The following CD6 variants were observed in gnomAD, a reference collection of about 807,000 sequenced individuals.
The protein encoded by CD6 is CD6 molecule.
In CD6, 53 loss-of-function variants were observed where a neutral mutation model predicts 75.3. The observed-to-expected ratio is 0.70, with a 90% CI of 0.56 to 0.88. The LOEUF (loss-of-function observed/expected upper bound fraction) is 0.88, where lower values mean the gene tolerates loss of function less well. CD6 is among the 40% of genes least tolerant of loss of function. CD6 has a pLI of 0.00. For synonymous variants in CD6, 359 were observed against 381.5 expected, an observed-to-expected ratio of 0.94 and a Z score of 0.69; for missense variants, 770 against 897.1, an observed-to-expected ratio of 0.86 and a Z score of 1.81.
At chr11:61,015,603 G>A (rs891704930) in intron 8 of CD6, 110 bp from the exon 9 acceptor site, 1 of 1,300,872 alleles carries the variant, frequency 7.7e-7, no homozygotes, top group Non-Finnish European at 1.1e-6. Context: ...GGGCTACTTG[G>A]TGCTCCCCTG....
intron 9 of CD6, chr11:61,017,271 T>C: frequency 1.7e-6 from 1 of 581,984 alleles, no homozygotes; most frequent in South Asian, 2.0e-5. Flanking sequence ...CTAGAGTTTC[T>C]GTCCCCAGGC....
chr11:61,011,814 T>A (rs945014327), intron 6 of CD6, among the ~76,000 whole-genome samples: 49 of 152,292 alleles, frequency 3.2e-4, no homozygotes, highest in African/African-American at 1.0e-3. Context: ...TTGCTAGCTG[T>A]GCCCTGTTGG....
intron 1 of CD6, among the ~76,000 whole-genome samples, chr11:60,999,967 G>A (rs751584570): frequency 3.9e-5 from 6 of 152,008 alleles, no homozygotes; most frequent in Non-Finnish European, 5.9e-5. Context: ...CAGGAGAATC[G>A]CTTGAATCAG....
chr11:60,980,664 A>G (rs1857526569), intron 1 of CD6, among the ~76,000 whole-genome samples: 1 of 152,114 alleles, frequency 6.6e-6, no homozygotes, highest in African/African-American at 2.4e-5. Flanking sequence ...CCCCGTCCCT[A>G]GTAAAGAAAT....
chr11:61,001,790 C>T (rs1287897506), intron 1 of CD6, among the ~76,000 whole-genome samples: 1 of 152,118 alleles, frequency 6.6e-6, no homozygotes, highest in Non-Finnish European at 1.5e-5. Context: ...CAGTGCAAAA[C>T]GGAGATGCAG....
intron 9 of CD6, chr11:61,016,904 A>G (rs1331024472): frequency 6.5e-6 from 1 of 152,910 alleles, no homozygotes; most frequent in Admixed American, 6.5e-5. Context: ...TGTCTGTCGA[A>G]CCTGAGATTC....
Position 60,990,450 on chromosome 11 carries a change from C to T in CD6, c.50-16124C>T, listed in dbSNP as rs540941671. Among the ~76,000 whole-genome samples, 22 of 152,266 alleles carry T rather than the reference C, an allele frequency of 1.4e-4. 1 individual carries two copies. The South Asian group carries it at 1.5e-3, about 10-fold the overall frequency. ...TGTTGGTCACACTGGTCTTGAACTC[C>T]TGATCTCAAGTGATCCACTTGCCTC... On this transcript the variant is annotated intron_variant, in intron 1 of 12. Coordinates refer to ENST00000313421, the MANE Select transcript of CD6 (RefSeq NM_006725.5).
At chr11:60,981,394 C>T (rs1388079648) in intron 1 of CD6, among the ~76,000 whole-genome samples, 1 of 152,200 alleles carries the variant, frequency 6.6e-6, no homozygotes, top group Non-Finnish European at 1.5e-5. Context: ...GGACCCCTCC[C>T]CACTCAAGAC....
At chr11:61,014,508 G>A (rs1430506787) in intron 8 of CD6, among the ~76,000 whole-genome samples, 2 of 152,338 alleles carry the variant, frequency 1.3e-5, no homozygotes, top group African/African-American at 2.4e-5. Context: ...CCTGAGGTGG[G>A]CAGATCACTT....
At chr11:60,982,539 G>A in intron 1 of CD6, 2 of 454,610 alleles carry the variant, frequency 4.4e-6, no homozygotes, top group Admixed American at 4.7e-5. Flanking sequence ...AGCTGAGGAA[G>A]CCCCCCAGGC....
rs377237532 is a variant in CD6, at chr11:61,003,089, G to A, written c.50-3485G>A. Among the ~76,000 whole-genome samples the A allele has an allele frequency of 3.0e-3, 460 of 152,046 alleles. 5 individuals are homozygous for A. The highest frequency in any genetic ancestry group is 8.6e-3 in the African/African-American group (358 of 41,490). On this transcript the variant is annotated intron_variant, in intron 1 of 12. Coordinates refer to ENST00000313421, the MANE Select transcript of CD6 (RefSeq NM_006725.5). The stretch of plus-strand genomic sequence containing the variant: ...AAGCAATTCTCCTGCCTCAGCCTCC[G>A]GAGTAGCTGGGATTACAGGCATGTG...
chr11:60,985,313 A>C (rs1857763935), intron 1 of CD6: 1 of 149,956 alleles, frequency 6.7e-6, no homozygotes, highest in South Asian at 2.1e-4. Context: ...CCTCCCAAGT[A>C]GCTGGGATTA....
intron 1 of CD6, among the ~76,000 whole-genome samples, chr11:60,994,926 T>G (rs1157601606): frequency 1.3e-5 from 2 of 152,172 alleles, no homozygotes; most frequent in Non-Finnish European, 2.9e-5. Flanking sequence ...TATAAGCTGG[T>G]CTAGTCACAG....
intron 1 of CD6, among the ~76,000 whole-genome samples, chr11:60,994,572 T>C (rs1360395943): frequency 1.3e-5 from 2 of 152,002 alleles, no homozygotes; most frequent in Non-Finnish European, 2.9e-5. Flanking sequence ...TTGTTTTATT[T>C]GTGTCCCCAA....
At chr11:60,993,530 G>A (rs1424590523) in intron 1 of CD6, among the ~76,000 whole-genome samples, 1 of 151,844 alleles carries the variant, frequency 6.6e-6, no homozygotes. Flanking sequence ...TCACCCACCC[G>A]TGCACTCTTC....
chr11:61,010,989 A>G, intron 5 of CD6, 81 bp from the exon 6 acceptor site: 1 of 1,295,642 alleles, frequency 7.7e-7, no homozygotes, highest in Non-Finnish European at 1.1e-6. Context: ...TGTCTGTCCC[A>G]TTCAGTTTCT....
chr11:61,018,245 T>C (rs1859515152), intron 11 of CD6, 44 bp from the exon 12 acceptor site: 1 of 1,489,030 alleles, frequency 6.7e-7, no homozygotes, highest in East Asian at 2.4e-5. Flanking sequence ...ACTTGAGAAG[T>C]GGCTGTGTGC....
chr11:61,017,955 T>C lies in CD6; in HGVS notation c.1779T>C (p.Ser593=), dbSNP rs763181353. The C allele has an allele frequency of 6.2e-6, 10 of 1,613,066 alleles. No individual in the cohort carries two copies. Among genetic ancestry groups the C allele is most frequent in the Admixed American group, 5.0e-5 (3 of 59,952 alleles). ...CCCAGGTGTTTTCTTCAGAGAGGAGTTCCTTCCTGGAGCAGCCCCCAAACT... is the reference window on the plus strand; with the variant it reads ...CCCAGGTGTTTTCTTCAGAGAGGAGCTCCTTCCTGGAGCAGCCCCCAAACT... ...WNPQVFSSER[S]SFLEQPPNLE... Residue 593 remains serine, a synonymous_variant, in exon 11 of 13, where the codon AGT becomes AGC. Coordinates refer to ENST00000313421, the MANE Select transcript of CD6 (RefSeq NM_006725.5).
chr11:61,007,756 G>A lies in CD6; in HGVS notation c.315G>A (p.Pro105=), dbSNP rs1452622688. 6.9e-7 allele frequency: 1 copy of A among 1,452,202 alleles called. No individual in the cohort carries two copies. Among genetic ancestry groups the A allele is most frequent in the Non-Finnish European group, 9.1e-7 (1 of 1,100,842 alleles). The allele number at this position is 1,452,202 out of a possible 1,614,324, so 90.0% of individuals were successfully genotyped here. The change falls in exon 3 of 13, where the codon CCG becomes CCA. Residue 105 remains proline (P), a synonymous_variant. Coordinates refer to ENST00000313421, the MANE Select transcript of CD6 (RefSeq NM_006725.5). This position sits in a 1 kb window ranked among gnomAD's most constrained non-coding sequence, Gnocchi z 4.2. ...SQLAPPTPEL[P]PPPAAGNTSV... Reference sequence around the variant, plus strand: ...TCGCCCCGCCGACCCCTGAGCTGCCGCCCCCGCCTGCAGCCGGGAACACCA... The same window carrying A: ...TCGCCCCGCCGACCCCTGAGCTGCCACCCCCGCCTGCAGCCGGGAACACCA...
Sources: gnomAD v4.1 joint callset for allele counts (sites outside exome capture counted in the v4.1 genomes callset) on GRCh38, gnomAD v4.1.1 for gene constraint, Gnocchi (gnomAD v3.1) non-coding constraint, MANE v1.5 for transcripts, NCBI Gene and HGNC (gene_info 2026-07-23, HGNC 2026-07-21) for gene names.